WDR25: variants seen among roughly 807,000 people sequenced by gnomAD.
The protein encoded by WDR25 is WD repeat-containing protein 25.
In WDR25, 35 loss-of-function variants were observed where a neutral mutation model predicts 47.7. The ratio of observed to expected loss-of-function variants is 0.73; its 90% CI spans 0.56 to 0.97. WDR25 has a LOEUF of 0.97. Ranked by LOEUF, WDR25 falls within the 50% of genes least tolerant of loss-of-function variation. The pLI, the probability that WDR25 is intolerant of heterozygous loss-of-function variation, is 0.00. For missense variants in WDR25, 634 were observed against 704.7 expected (o/e 0.90, Z 1.14); for synonymous variants, 248 against 278.9 (o/e 0.89, Z 1.10).
chr14:100,454,558 C>A, intron 2 of WDR25: 12 of 731,010 alleles, frequency 1.6e-5, no homozygotes, highest in Admixed American at 1.0e-4. Flanking sequence ...TATTGGAGAG[C>A]AAAAAAAAGC....
chr14:100,410,389 G>A (rs1329587577), intron 2 of WDR25, among the ~76,000 whole-genome samples: 1 of 152,202 alleles, frequency 6.6e-6, no homozygotes, highest in East Asian at 1.9e-4. Flanking sequence ...TCAGGGGGTG[G>A]AGAGAACATC....
chr14:100,515,993 ATT>A (rs143630748), intron 4 of WDR25, among the ~76,000 whole-genome samples: 1 of 144,184 alleles, frequency 6.9e-6, no homozygotes, highest in Admixed American at 6.9e-5. Context: ...CTATTGACAG[ATT>A]TTTTTTTTTT....
intron 3 of WDR25, among the ~76,000 whole-genome samples, chr14:100,475,779 A>G (rs1899996252): frequency 1.3e-5 from 2 of 152,208 alleles, no homozygotes; most frequent in Admixed American, 1.3e-4. Context: ...CACTTTTAAC[A>G]TTCTGTCCAC....
chr14:100,409,967 GATA>G (rs1897658671), intron 2 of WDR25, among the ~76,000 whole-genome samples: 1 of 152,098 alleles, frequency 6.6e-6, no homozygotes, highest in Non-Finnish European at 1.5e-5. Flanking sequence ...TGGTTTTGTT[GATA>G]ATAATTACTC....
At chr14:100,501,053 C>T (rs1312111720) in intron 4 of WDR25, among the ~76,000 whole-genome samples, 1 of 152,138 alleles carries the variant, frequency 6.6e-6, no homozygotes, top group African/African-American at 2.4e-5. Context: ...ACTGTGTGCA[C>T]CGGGCGACCT....
At chr14:100,483,703 G>A (rs1900283273) in intron 3 of WDR25, among the ~76,000 whole-genome samples, 1 of 152,208 alleles carries the variant, frequency 6.6e-6, no homozygotes, top group African/African-American at 2.4e-5. Flanking sequence ...GCTAATGCAT[G>A]TCATGCTTAC....
intron 2 of WDR25, among the ~76,000 whole-genome samples, chr14:100,389,552 G>C (rs1276022375): frequency 6.6e-6 from 1 of 152,178 alleles, no homozygotes; most frequent in Non-Finnish European, 1.5e-5. Flanking sequence ...GAAGCCCTGA[G>C]GGGCAGTCAG....
chr14:100,409,221 C>A (rs182207814), intron 2 of WDR25, among the ~76,000 whole-genome samples: 1 of 152,342 alleles, frequency 6.6e-6, no homozygotes, highest in East Asian at 1.9e-4. Flanking sequence ...ACCCAGTGAT[C>A]CGGCTCCAGC....
chr14:100,450,025 C>T (rs1898972720), intron 2 of WDR25, among the ~76,000 whole-genome samples: 1 of 152,258 alleles, frequency 6.6e-6, no homozygotes, highest in South Asian at 2.1e-4. Context: ...CCCCTCTGCG[C>T]ACCCTCTTCA....
At chr14:100,481,997 G>C (rs777756266) in intron 3 of WDR25, among the ~76,000 whole-genome samples, 2 of 151,700 alleles carry the variant, frequency 1.3e-5, no homozygotes, top group African/African-American at 4.8e-5. Flanking sequence ...TGGCTTTTTA[G>C]ATTTTTGTTA....
rs78323456 is a variant in WDR25, at chr14:100,404,490, G to A, written c.822+22744G>A. On this transcript the variant is annotated intron_variant, in intron 2 of 6. Coordinates refer to ENST00000402312, the MANE Select transcript of WDR25 (RefSeq NM_001161476.3). This position sits in a 1 kb window ranked among gnomAD's most constrained non-coding sequence, Gnocchi z 4.6. ...ACCTTACCACCATGGGAGGCAGAGC[G>A]CACACCCCTCTGGTGTTCCTGGCTG... 0.019 allele frequency among the ~76,000 whole-genome samples: 2,872 copies of A among 152,304 alleles called. 39 individuals are homozygous for A. The highest frequency in any genetic ancestry group is 0.04 in the East Asian group (208 of 5,176).
intron 2 of WDR25, among the ~76,000 whole-genome samples, chr14:100,399,777 T>C (rs928106008): frequency 6.6e-6 from 1 of 152,232 alleles, no homozygotes; most frequent in African/African-American, 2.4e-5. Context: ...TTCTGTTCAG[T>C]AGATGGTCAT....
intron 4 of WDR25, among the ~76,000 whole-genome samples, chr14:100,497,944 G>T (rs1483701142): frequency 6.6e-6 from 1 of 152,160 alleles, no homozygotes; most frequent in African/African-American, 2.4e-5. Context: ...TTCCAACCTG[G>T]TATCCCCAGA....
intron 2 of WDR25, among the ~76,000 whole-genome samples, chr14:100,400,509 A>G (rs1204895666): frequency 6.6e-6 from 1 of 152,250 alleles, no homozygotes; most frequent in African/African-American, 2.4e-5. Context: ...TATTTAAGTT[A>G]GTACTTATTC....
intron 2 of WDR25, among the ~76,000 whole-genome samples, chr14:100,461,823 G>A (rs1287375390): frequency 1.3e-5 from 2 of 152,196 alleles, no homozygotes; most frequent in Admixed American, 6.5e-5. Context: ...ATAGGGCCAC[G>A]AGGGAGGCGA....
intron 2 of WDR25, among the ~76,000 whole-genome samples, chr14:100,405,720 A>G (rs922310434): frequency 1.3e-5 from 2 of 152,102 alleles, no homozygotes; most frequent in African/African-American, 4.8e-5. Flanking sequence ...TGGCGCATGG[A>G]TTGGTGTGTC....
chr14:100,471,934 G>A (rs1004285387), intron 3 of WDR25, among the ~76,000 whole-genome samples: 1 of 152,248 alleles, frequency 6.6e-6, no homozygotes, highest in African/African-American at 2.4e-5. Flanking sequence ...ACGTTAGGCT[G>A]AGGTGGCCTC....
intron 2 of WDR25, chr14:100,406,825 T>C (rs1315271444): frequency 6.6e-6 from 1 of 152,364 alleles, no homozygotes. Context: ...AGACACACCA[T>C]GGGGATAGAA....
At chr14:100,421,306 T>C (rs1898019232) in intron 2 of WDR25, among the ~76,000 whole-genome samples, 1 of 152,184 alleles carries the variant, frequency 6.6e-6, no homozygotes, top group Non-Finnish European at 1.5e-5. Context: ...AGAATCTTCC[T>C]GGGCTTATTG....
Sources: gnomAD v4.1 joint callset for allele counts (sites outside exome capture counted in the v4.1 genomes callset) on GRCh38, gnomAD v4.1.1 for gene constraint, Gnocchi (gnomAD v3.1) non-coding constraint, MANE v1.5 for transcripts, NCBI Gene and HGNC (gene_info 2026-07-23, HGNC 2026-07-21) for gene names.